IGF1R: variants seen among roughly 807,000 people sequenced by gnomAD.
The protein encoded by IGF1R is insulin like growth factor 1 receptor, also known as insulin-like growth factor 1 receptor.
Under a neutral mutation model 144.6 loss-of-function variants are expected in IGF1R, and 44 were observed. The ratio of observed to expected loss-of-function variants is 0.30; its 90% CI spans 0.24 to 0.39. The LOEUF (loss-of-function observed/expected upper bound fraction) is 0.39. Ranked by LOEUF, IGF1R falls within the 10% of genes least tolerant of loss-of-function variation. The probability of loss-of-function intolerance (pLI) is 1.00; values close to 1 mark genes in which losing one functional copy is unlikely to be tolerated. For synonymous variants in IGF1R, 795 were observed against 722.8 expected (o/e 1.10, Z -1.60); for missense variants, 1,355 against 1,833.7 (o/e 0.74, Z 4.77).
chr15:98,773,985 A>G (rs923946066), intron 2 of IGF1R, among the ~76,000 whole-genome samples: 3 of 152,206 alleles, frequency 2.0e-5, no homozygotes, highest in African/African-American at 4.8e-5. Flanking sequence ...GTTTTAAGGA[A>G]ATAAATCCCC....
chr15:98,783,761 CTTTTAT>C (rs1416779325), intron 2 of IGF1R, among the ~76,000 whole-genome samples: 3 of 151,982 alleles, frequency 2.0e-5, no homozygotes, highest in African/African-American at 7.3e-5. Flanking sequence ...ATGTCAACTC[CTTTTAT>C]TTTTATTAGG....
chr15:98,951,823 G>C (rs1046041239), intron 20 of IGF1R, among the ~76,000 whole-genome samples: 2 of 152,342 alleles, frequency 1.3e-5, no homozygotes, highest in South Asian at 4.1e-4. Context: ...AAATGTTTTT[G>C]GCTCTGTGGG....
intron 2 of IGF1R, among the ~76,000 whole-genome samples, chr15:98,736,967 T>C (rs2054625907): frequency 2.6e-5 from 4 of 152,022 alleles, no homozygotes; most frequent in Admixed American, 2.6e-4. Flanking sequence ...ATGGTAACAG[T>C]CTTTTTGTTT....
chr15:98,781,749 G>A (rs1203986778), intron 2 of IGF1R, among the ~76,000 whole-genome samples: 1 of 152,090 alleles, frequency 6.6e-6, no homozygotes, highest in Non-Finnish European at 1.5e-5. Flanking sequence ...TGCTCCTTAT[G>A]TACCATGTGC....
chr15:98,879,145 C>G (rs993192739), intron 2 of IGF1R, among the ~76,000 whole-genome samples: 3 of 152,138 alleles, frequency 2.0e-5, no homozygotes, highest in African/African-American at 7.2e-5. Context: ...TTGCCTTTGT[C>G]CTTGATTTTT....
At chr15:98,940,049 G>A (rs2016309315) in intron 18 of IGF1R, among the ~76,000 whole-genome samples, 1 of 152,210 alleles carries the variant, frequency 6.6e-6, no homozygotes, top group Admixed American at 6.5e-5. Flanking sequence ...CTGAGCAATG[G>A]TTAAAACCCA....
intron 2 of IGF1R, chr15:98,873,661 A>G (rs146790957): frequency 3.9e-5 from 6 of 152,288 alleles, no homozygotes; most frequent in East Asian, 3.9e-4. Flanking sequence ...TGGATTTTCT[A>G]TGTAGGTGGT....
intron 1 of IGF1R, among the ~76,000 whole-genome samples, chr15:98,658,182 T>C (rs1291638191): frequency 1.3e-5 from 2 of 152,228 alleles, no homozygotes; most frequent in South Asian, 2.1e-4. Context: ...AGCTGTGTTA[T>C]GCCTGTCTTC....
At chr15:98,694,439 A>T (rs555092932) in intron 1 of IGF1R, among the ~76,000 whole-genome samples, 40 of 152,040 alleles carry the variant, frequency 2.6e-4, no homozygotes, top group African/African-American at 8.9e-4. Flanking sequence ...CTCTATGAAC[A>T]TCCCCACCTT....
chr15:98,960,702 G>A lies in IGF1R; in HGVS notation c.*3260G>A, dbSNP rs1288018563. ...CTGCAGCAGCAGCTGGAGAGCAAGA[G>A]TCACCCAGCCTGTGCGCCAGAATGC... is the stretch of plus-strand genomic sequence containing the variant. On this transcript the variant is annotated 3_prime_UTR_variant, in exon 21 of 21. Coordinates refer to ENST00000650285, the MANE Select transcript of IGF1R (RefSeq NM_000875.5). 1.3e-5 allele frequency: 3 copies of A among 233,354 alleles called. No individual in the cohort carries two copies. The highest frequency in any genetic ancestry group is 6.6e-5 in the African/African-American group (3 of 45,360). 14.5% of individuals were successfully genotyped at this position (233,354 alleles called of 1,614,324 possible).
At chr15:98,732,784 G>A (rs552133902) in intron 2 of IGF1R, among the ~76,000 whole-genome samples, 1 of 152,202 alleles carries the variant, frequency 6.6e-6, no homozygotes, top group East Asian at 1.9e-4. Flanking sequence ...TTAGGTGCTT[G>A]TGGCACGAGC....
At position 98,684,428 on chromosome 15, in the gene IGF1R, G is replaced by A. The variant is rs142847630; in HGVS notation, c.95-23134G>A. Among the ~76,000 whole-genome samples the A allele has an allele frequency of 1.8e-3, 279 of 151,464 alleles. 2 individuals carry two copies. The highest frequency in any genetic ancestry group is 6.0e-3 in the African/African-American group (246 of 41,232). On this transcript the variant is annotated intron_variant, in intron 1 of 20. Coordinates refer to ENST00000650285, the MANE Select transcript of IGF1R (RefSeq NM_000875.5). ...GGGGAGGTGGGGGGTGTGGGCGGAT[G>A]AATATAAATGATACCTAGAAATTGA...
rs55923300 is a variant in IGF1R, at chr15:98,648,748, C to T, written c.-834C>T. On this transcript the variant is annotated 5_prime_UTR_variant, in exon 1 of 21. Coordinates refer to ENST00000650285, the MANE Select transcript of IGF1R (RefSeq NM_000875.5). ...GACCCTCGGCCCCGCTCCCCGGATC[C>T]CCCCGCGCCCTCCACGCCCCTCCCG... Among the ~76,000 whole-genome samples, 2 of 145,084 alleles carry T rather than the reference C, an allele frequency of 1.4e-5. No homozygotes were observed. Among genetic ancestry groups the T allele is most frequent in the East Asian group, 4.0e-4 (2 of 5,012 alleles).
rs1167503156 is a variant in IGF1R, at chr15:98,788,052, C to CTGTGTGTG, written c.640+79946_640+79947insGTGTGTGT. 2.8e-3 allele frequency among the ~76,000 whole-genome samples: 387 copies of CTGTGTGTG among 139,598 alleles called. 1 individual carries two copies. Among genetic ancestry groups the CTGTGTGTG allele is most frequent in the African/African-American group, 0.01 (369 of 35,254 alleles). 91.6% of individuals were successfully genotyped at this position (139,598 alleles called of 152,430 possible). A position where few individuals can be genotyped will look rare whatever the true frequency, so the allele number is the denominator to read the frequency against. ...GGTAGGGATCTCTCTCTCTCTCTCT[C>CTGTGTGTG]TCTCTCTCTCTGTGTGTGTGTGTGT... On this transcript the variant is annotated intron_variant, in intron 2 of 20. Coordinates refer to ENST00000650285, the MANE Select transcript of IGF1R (RefSeq NM_000875.5).
intron 2 of IGF1R, among the ~76,000 whole-genome samples, chr15:98,863,541 A>G (rs2012272580): frequency 1.3e-5 from 2 of 152,126 alleles, no homozygotes; most frequent in African/African-American, 4.8e-5. Context: ...TCAGGATTTT[A>G]TGTATTTTTT....
intron 2 of IGF1R, among the ~76,000 whole-genome samples, chr15:98,844,516 G>T (rs1008746809): frequency 3.5e-4 from 53 of 152,204 alleles, no homozygotes; most frequent in African/African-American, 1.1e-3. Flanking sequence ...AATCTAGGAG[G>T]CATGTCTACT....
In IGF1R at chr15:98,839,770, A is replaced by G. The variant is rs557136922; in HGVS notation, c.641-51555A>G. On this transcript the variant is annotated intron_variant, in intron 2 of 20. Coordinates refer to ENST00000650285, the MANE Select transcript of IGF1R (RefSeq NM_000875.5). ...AGCCTCCACAGTGGCTGCTTCCTCT[A>G]CATGGTAGAGTGGTGCTCACCTCCA... is the stretch of plus-strand genomic sequence containing the variant. Among the ~76,000 whole-genome samples, 1,423 of 152,284 alleles carry G rather than the reference A, an allele frequency of 9.3e-3. 13 individuals carry two copies. Among genetic ancestry groups the G allele is most frequent in the Non-Finnish European group, 0.014 (963 of 68,006 alleles).
intron 2 of IGF1R, among the ~76,000 whole-genome samples, chr15:98,709,958 TG>T (rs1388358861): frequency 3.3e-5 from 5 of 152,200 alleles, no homozygotes; most frequent in African/African-American, 1.2e-4. Flanking sequence ...GGGTGAGGCC[TG>T]CATTCTGGGT....
At chr15:98,733,109 G>C (rs962729989) in intron 2 of IGF1R, among the ~76,000 whole-genome samples, 3 of 152,222 alleles carry the variant, frequency 2.0e-5, no homozygotes, top group Non-Finnish European at 4.4e-5. Flanking sequence ...CATGCAGGGA[G>C]GCTTCAGCAG....
Sources: allele counts gnomAD v4.1 joint callset (sites outside exome capture counted in the v4.1 genomes callset), GRCh38; gene constraint gnomAD v4.1.1; transcripts MANE v1.5; gene names NCBI Gene and HGNC (gene_info 2026-07-23, HGNC 2026-07-21).